Variants in EBF3 observed in about 807,000 individuals in gnomAD.
EBF3 encodes the protein transcription factor COE3.
EBF3 carries 18 observed loss-of-function variants against 77.1 expected under a neutral mutation model. The observed-to-expected ratio is 0.23, with a 90% CI of 0.16 to 0.35. EBF3 has a LOEUF of 0.35. Among genes scored for constraint, EBF3 ranks in the 10% least tolerant of loss-of-function variants. The pLI, the probability that EBF3 is intolerant of heterozygous loss-of-function variation, is 1.00. For synonymous variants in EBF3, 350 were observed against 343.5 expected (o/e 1.02, Z -0.21); for missense variants, 558 against 860.0 (o/e 0.65, Z 4.39).
At chr10:129,941,649 G>C (rs77264456) in intron 6 of EBF3, among the ~76,000 whole-genome samples, 7,259 of 152,338 alleles carry the variant, frequency 0.048, 229 homozygotes, top group South Asian at 0.13. Flanking sequence ...TGGCAGTGAG[G>C]AGATGGCCAG....
At chr10:129,880,496 CACAT>C (rs1359427223) in intron 6 of EBF3, among the ~76,000 whole-genome samples, 8 of 150,540 alleles carry the variant, frequency 5.3e-5, no homozygotes, top group African/African-American at 1.9e-4. Flanking sequence ...TATGCACACA[CACAT>C]ACATATGCAC....
intron 6 of EBF3, among the ~76,000 whole-genome samples, chr10:129,888,619 C>A (rs937506427): frequency 6.6e-6 from 1 of 152,178 alleles, no homozygotes; most frequent in African/African-American, 2.4e-5. Flanking sequence ...GGGTCCCGGC[C>A]GCGGTGGGAA....
rs1220205999 is a variant in EBF3, at chr10:129,863,493, C to T, written c.1039+3648G>A. Among the ~76,000 whole-genome samples the T allele has an allele frequency of 6.6e-6, 1 of 152,224 alleles. No individual in the cohort carries two copies. Among genetic ancestry groups the T allele is most frequent in the African/African-American group, 2.4e-5 (1 of 41,464 alleles). ...GATCATTGAGGCCCTTTGCAAAGCC[C>T]CTCCCAGCCTCTGGCGGGCGGCCCC... On this transcript the variant is annotated intron_variant, in intron 10 of 16. Transcript: ENST00000440978. The surrounding 1 kb of genome is among the most constrained non-coding windows in gnomAD (Gnocchi z 4.0).
chr10:129,852,752 G>A (rs150630931), intron 10 of EBF3, among the ~76,000 whole-genome samples: 1 of 152,288 alleles, frequency 6.6e-6, no homozygotes, highest in African/African-American at 2.4e-5. Flanking sequence ...ACACGTTTGG[G>A]GCCAGTGAGC....
At chr10:129,945,921 C>T (rs1399293738) in intron 6 of EBF3, among the ~76,000 whole-genome samples, 1 of 151,812 alleles carries the variant, frequency 6.6e-6, no homozygotes, top group Non-Finnish European at 1.5e-5. Flanking sequence ...CTGTGGAGTG[C>T]TTTTACGTTT....
In EBF3 at chr10:129,837,413, T is replaced by G. The variant is rs1849676052; in HGVS notation, c.*530A>C. 1 of 149,182 alleles carries G rather than the reference T, an allele frequency of 6.7e-6. No individual in the cohort carries two copies. Among genetic ancestry groups the G allele is most frequent in the Admixed American group, 6.7e-5 (1 of 14,942 alleles). The allele number at this position is 149,182 out of a possible 1,614,324, so 9.2% of individuals were successfully genotyped here. On this transcript the variant is annotated 3_prime_UTR_variant, in exon 17 of 17. Transcript: ENST00000440978. ...GTTTCTCCTCATCATATAGTCATCCTTTTTTCCAGTCTGATGGCTCATACC... is the reference window on the plus strand; with the variant it reads ...GTTTCTCCTCATCATATAGTCATCCGTTTTTCCAGTCTGATGGCTCATACC...
chr10:129,854,840 C>T (rs926085736), intron 10 of EBF3, among the ~76,000 whole-genome samples: 1 of 152,230 alleles, frequency 6.6e-6, no homozygotes, highest in African/African-American at 2.4e-5. Flanking sequence ...GTGGTGTGCA[C>T]GGGAAGCACA....
intron 6 of EBF3, among the ~76,000 whole-genome samples, chr10:129,942,980 T>C (rs563526485): frequency 2.6e-5 from 4 of 152,320 alleles, no homozygotes; most frequent in African/African-American, 7.2e-5. Flanking sequence ...ATTTACAGCA[T>C]GCACTTATGT....
chr10:129,902,475 T>C (rs1016172999), intron 6 of EBF3, among the ~76,000 whole-genome samples: 6 of 151,794 alleles, frequency 4.0e-5, no homozygotes, highest in Non-Finnish European at 7.4e-5. Context: ...GGGAGGCACA[T>C]CCATATGGGA....
At chr10:129,852,819 ATT>A (rs1850988116) in intron 10 of EBF3, among the ~76,000 whole-genome samples, 2 of 152,290 alleles carry the variant, frequency 1.3e-5, no homozygotes, top group South Asian at 2.1e-4. Context: ...TGCACCAAAC[ATT>A]TTATCAAGCA....
At chr10:129,865,360 T>C (rs2134066152) in intron 10 of EBF3, among the ~76,000 whole-genome samples, 1 of 152,356 alleles carries the variant, frequency 6.6e-6, no homozygotes, top group South Asian at 2.1e-4. Flanking sequence ...GTCTTTATTT[T>C]TTTAAAACAC....
intron 6 of EBF3, among the ~76,000 whole-genome samples, chr10:129,954,739 A>C (rs894367692): frequency 2.0e-5 from 3 of 152,200 alleles, no homozygotes; most frequent in African/African-American, 7.2e-5. Context: ...AAAGGCCACA[A>C]GGAGCCGGCA....
intron 6 of EBF3, among the ~76,000 whole-genome samples, chr10:129,890,803 G>C (rs1853969301): frequency 6.6e-6 from 1 of 152,140 alleles, no homozygotes; most frequent in Admixed American, 6.5e-5. Flanking sequence ...TTTTGACAAA[G>C]CTCTGCTGAC....
chr10:129,942,083 C>G lies in EBF3; in HGVS notation c.554+15175G>C, dbSNP rs927445811. Among the ~76,000 whole-genome samples, 9 of 152,206 alleles carry G rather than the reference C, an allele frequency of 5.9e-5. No individual in the cohort carries two copies. In the East Asian group the frequency reaches 1.5e-3, roughly 26 times the overall value. The stretch of plus-strand genomic sequence containing the variant: ...GAAACACCTCCTATCCTCAGGGAGC[C>G]CCGCCTCACCCACTCAGGGCACCAG... On this transcript the variant is annotated intron_variant, in intron 6 of 16. Transcript: ENST00000440978.
chr10:129,838,095 CGGGCGTGGTTA>C, intron 16 of EBF3, 135 bp from the exon 17 acceptor site: 1 of 1,086,378 alleles, frequency 9.2e-7, no homozygotes, highest in Non-Finnish European at 1.3e-6. Context: ...CCACCAGCCT[CGGGCGTGGTTA>C]GGGCGTGCTG....
In EBF3 at chr10:129,848,496, G is replaced by C. The variant is rs749663875; in HGVS notation, c.1040-16C>G. 5 of 1,613,286 alleles carry C rather than the reference G, an allele frequency of 3.1e-6. No homozygotes were observed. Among genetic ancestry groups the C allele is most frequent in the Non-Finnish European group, 1.7e-6 (2 of 1,179,172 alleles). ...TCATTAAGGGCTGCAACAGGACACA[G>C]AAATGTAGATCAGGTTAATTACTTT... On this transcript the variant is annotated splice_polypyrimidine_tract_variant and intron_variant, in intron 10 of 16. Transcript: ENST00000440978. This position sits in a 1 kb window ranked among gnomAD's most constrained non-coding sequence, Gnocchi z 4.4.
At chr10:129,852,178 G>A (rs114025323) in intron 10 of EBF3, among the ~76,000 whole-genome samples, 1,649 of 152,286 alleles carry the variant, frequency 0.011, 26 homozygotes, top group African/African-American at 0.038. Context: ...CTTCCTGCAC[G>A]CTGGAATAGC....
chr10:129,877,450 T>A (rs1229452660), intron 7 of EBF3, among the ~76,000 whole-genome samples: 7 of 130,096 alleles, frequency 5.4e-5, no homozygotes, highest in African/African-American at 2.1e-4. Context: ...CACTGCACTC[T>A]AGCCTGGGAT....
chr10:129,889,369 G>A (rs1017722920), intron 6 of EBF3, among the ~76,000 whole-genome samples: 1 of 152,238 alleles, frequency 6.6e-6, no homozygotes, highest in Admixed American at 6.5e-5. Flanking sequence ...ACCAGCAAAC[G>A]CCAGGGTGGG....
Sources: allele counts gnomAD v4.1 joint callset (sites outside exome capture counted in the v4.1 genomes callset), GRCh38; gene constraint gnomAD v4.1.1; non-coding constraint Gnocchi (gnomAD v3.1); transcripts MANE v1.5; gene names NCBI Gene and HGNC (gene_info 2026-07-23, HGNC 2026-07-21).